PCDHA7: variants seen among roughly 807,000 people sequenced by gnomAD.
PCDHA7 encodes the protein protocadherin alpha-7.
Under a neutral mutation model 57.2 loss-of-function variants are expected in PCDHA7, and 37 were observed. The ratio of observed to expected loss-of-function variants is 0.65; its 90% CI spans 0.50 to 0.85. The LOEUF (loss-of-function observed/expected upper bound fraction) is 0.85, where lower values mean the gene tolerates loss of function less well. Ranked by LOEUF, PCDHA7 falls within the 40% of genes least tolerant of loss-of-function variation. The pLI is 0.00. For missense variants in PCDHA7, 1,188 were observed against 1,241.8 expected, an observed-to-expected ratio of 0.96 and a Z score of 0.65; for synonymous variants, 553 against 558.8, an observed-to-expected ratio of 0.99 and a Z score of 0.15.
chr5:140,868,981 G>T, intron 1 of PCDHA7: 1 of 1,492,270 alleles, frequency 6.7e-7, no homozygotes, highest in Non-Finnish European at 9.0e-7. Context: ...CATCATACCG[G>T]ATGCCACCGT....
At chr5:140,887,976 TA>T (rs1462545504) in intron 1 of PCDHA7, among the ~76,000 whole-genome samples, 1 of 152,256 alleles carries the variant, frequency 6.6e-6, no homozygotes, top group African/African-American at 2.4e-5. Context: ...TTTTAAAATT[TA>T]TTTTACATGT....
chr5:140,946,516 C>G (rs551838143), intron 1 of PCDHA7, among the ~76,000 whole-genome samples: 1 of 151,020 alleles, frequency 6.6e-6, no homozygotes, highest in Non-Finnish European at 1.5e-5. Context: ...AAGACCTATC[C>G]GCACTCCCAT....
intron 3 of PCDHA7, among the ~76,000 whole-genome samples, chr5:140,986,867 C>A (rs1238623584): frequency 6.6e-6 from 1 of 152,140 alleles, no homozygotes; most frequent in Non-Finnish European, 1.5e-5. Flanking sequence ...TACCCGGAAA[C>A]TTGTTAGAAA....
At position 140,941,221 on chromosome 5, in the gene PCDHA7, T is replaced by TTC. The variant is rs1217645089; in HGVS notation, c.2356-37726_2356-37725dup. Among the ~76,000 whole-genome samples the TTC allele has an allele frequency of 5.2e-4, 68 of 131,640 alleles. 1 individual carries two copies. Among genetic ancestry groups the TTC allele is most frequent in the African/African-American group, 2.0e-3 (67 of 33,088 alleles). 86.4% of individuals were successfully genotyped at this position (131,640 alleles called of 152,430 possible). A position where few individuals can be genotyped will look rare whatever the true frequency, so the allele number is the denominator to read the frequency against. Reference sequence around the variant, plus strand: ...TTTCTTCCTTTCTTTCTTCCTTTCTTTCTTTCTTTCTTTCTTTCTTTCTTT... The same window carrying TTC: ...TTTCTTCCTTTCTTTCTTCCTTTCTTTCTCTTTCTTTCTTTCTTTCTTTCTTT... On this transcript the variant is annotated intron_variant, in intron 1 of 3. Transcript: ENST00000525929.
rs369408845 is a variant in PCDHA7, at chr5:140,898,113, C to T, written c.2355+61375C>T. On this transcript the variant is annotated intron_variant, in intron 1 of 3. Coordinates refer to ENST00000525929, the MANE Select transcript of PCDHA7 (RefSeq NM_018910.3). ...AGCCCTTTGTCAGATGAGTAGGTTG[C>T]GAAAATTTTCTCCCATTTTGTAGGT... Among the ~76,000 whole-genome samples, 401 of 152,070 alleles carry T rather than the reference C, an allele frequency of 2.6e-3. 3 individuals carry two copies. Among genetic ancestry groups the T allele is most frequent in the Admixed American group, 0.01 (153 of 15,274 alleles).
In PCDHA7 at chr5:140,870,834, C is replaced by T. The variant is rs370941881; in HGVS notation, c.2355+34096C>T. ...CTGGCAGCGCGGGAGGCGCAGTTAA[C>T]AAGCTAGTACCGCGGTCGGTGGGTG... On this transcript the variant is annotated intron_variant, in intron 1 of 3. Transcript: ENST00000525929. 184 of 1,613,806 alleles carry T rather than the reference C, an allele frequency of 1.1e-4. 2 individuals are homozygous for T. In the South Asian group the frequency reaches 1.5e-3, roughly 13 times the overall value.
rs146952531 is a variant in PCDHA7 at position 140,951,754 on chromosome 5, G to A, written c.2356-27195G>A. Among the ~76,000 whole-genome samples the A allele has an allele frequency of 4.6e-3, 703 of 152,152 alleles. 3 individuals are homozygous for A. The highest frequency in any genetic ancestry group is 0.016 in the African/African-American group (681 of 41,502). ...TTCTGCCACTGCCCTCACCCTCCGC[G>A]AAATCTCATGACGTTCTTACATTGC... On this transcript the variant is annotated intron_variant, in intron 1 of 3. Transcript: ENST00000525929.
In PCDHA7 at chr5:140,911,678, G is replaced by A. The variant is rs551063911; in HGVS notation, c.2356-67271G>A. ...CTAAACTCCTTGCCTCTCACGAACCGTGCATCAGGAGTGTCAAATGAATTT... is the reference window on the plus strand; with the variant it reads ...CTAAACTCCTTGCCTCTCACGAACCATGCATCAGGAGTGTCAAATGAATTT... On this transcript the variant is annotated intron_variant, in intron 1 of 3. Coordinates refer to ENST00000525929, the MANE Select transcript of PCDHA7 (RefSeq NM_018910.3). Among the ~76,000 whole-genome samples the A allele has an allele frequency of 7.9e-5, 12 of 152,234 alleles. No homozygotes were observed. The South Asian group carries it at 1.2e-3, about 16-fold the overall frequency.
chr5:140,837,239 ATTTATCTTCTT>A (rs1411047562), intron 1 of PCDHA7: 4 of 152,014 alleles, frequency 2.6e-5, no homozygotes, highest in Non-Finnish European at 1.5e-5. Context: ...TTTTACATCT[ATTTATCTTCTT>A]TTTATCATAT....
rs144568392 is a variant in PCDHA7 at position 140,837,758 on chromosome 5, C to T, written c.2355+1020C>T. Among the ~76,000 whole-genome samples the T allele has an allele frequency of 1.3e-4, 19 of 151,820 alleles. No homozygotes were observed. The South Asian group carries it at 1.5e-3, about 12-fold the overall frequency. On this transcript the variant is annotated intron_variant, in intron 1 of 3. Transcript: ENST00000525929. ...GTGGTGGGATTATAGCCCACTGCAA[C>T]CTGAAAGTCCTGGGCTCACAGGATC...
Position 140,843,486 on chromosome 5 carries a change from G to A in PCDHA7, c.2355+6748G>A. The A allele has an allele frequency of 2.5e-6, 4 of 1,595,976 alleles. 1 individual carries two copies. The highest frequency in any genetic ancestry group is 1.7e-5 in the Admixed American group (1 of 59,314). ...ACGCTGCTGCTGTACACTGCGCTGC[G>A]GTGCTCAGCACTGCCCACTGAGGGC... On this transcript the variant is annotated intron_variant, in intron 1 of 3. Transcript: ENST00000525929.
chr5:140,917,396 G>C (rs928504202), intron 1 of PCDHA7, among the ~76,000 whole-genome samples: 2 of 151,286 alleles, frequency 1.3e-5, no homozygotes, highest in East Asian at 3.9e-4. Flanking sequence ...ATGTGCAGAA[G>C]CTCTTTAGTT....
intron 1 of PCDHA7, among the ~76,000 whole-genome samples, chr5:140,957,864 A>G (rs1554223166): frequency 6.6e-6 from 1 of 151,762 alleles, no homozygotes; most frequent in Admixed American, 6.6e-5. Flanking sequence ...TTTTTTTCCT[A>G]TTTTGTGCTG....
intron 1 of PCDHA7, chr5:140,869,878 ACT>A: frequency 6.2e-7 from 1 of 1,610,122 alleles, no homozygotes; most frequent in Non-Finnish European, 8.5e-7. Context: ...TGCTAAAGAA[ACT>A]CTTGTGCTCA....
intron 3 of PCDHA7, among the ~76,000 whole-genome samples, chr5:140,991,204 A>C (rs1416431011): frequency 6.6e-6 from 1 of 152,198 alleles, no homozygotes; most frequent in East Asian, 1.9e-4. Flanking sequence ...ATGCTCAATA[A>C]ATTTTGTTAA....
At chr5:140,871,123 G>A (rs782312325) in intron 1 of PCDHA7, 51 of 1,613,216 alleles carry the variant, frequency 3.2e-5, no homozygotes, top group African/African-American at 1.3e-5. Context: ...GAGCGGACAG[G>A]CGCCAAAGGC....
chr5:140,835,766 G>C lies in PCDHA7; in HGVS notation c.1383G>C (p.Thr461=). ...CGGCGTTCGCGCAGCCCGAGTATAC[G>C]GTGTTCGTGAAGGAGAACAACCCGC... The part of the protein sequence containing the change: ...NAPAFAQPEY[T]VFVKENNPPG... The change falls in exon 1 of 4, where the codon ACG becomes ACC. Residue 461 remains threonine (T), a synonymous_variant. Coordinates refer to ENST00000525929, the MANE Select transcript of PCDHA7 (RefSeq NM_018910.3). 6.2e-7 allele frequency: 1 copy of C among 1,613,388 alleles called. No individual in the cohort carries two copies.
In PCDHA7 at chr5:140,857,092, G is replaced by A; in HGVS notation, c.2355+20354G>A. On this transcript the variant is annotated intron_variant, in intron 1 of 3. Coordinates refer to ENST00000525929, the MANE Select transcript of PCDHA7 (RefSeq NM_018910.3). ...TGGATGAAAATGATAATTCACCTGA[G>A]GTGATTGTCACTTCTCTGTCTCTCC... 5 of 1,597,300 alleles carry A rather than the reference G, an allele frequency of 3.1e-6. 1 individual carries two copies. Among genetic ancestry groups the A allele is most frequent in the Non-Finnish European group, 4.3e-6 (5 of 1,166,936 alleles).
At chr5:140,925,526 CGAG>C (rs2082539432) in intron 1 of PCDHA7, among the ~76,000 whole-genome samples, 1 of 151,910 alleles carries the variant, frequency 6.6e-6, no homozygotes, top group South Asian at 2.1e-4. Flanking sequence ...AAATTAAAAG[CGAG>C]GAGAAATACC....
Sources: gnomAD v4.1 joint callset for allele counts (sites outside exome capture counted in the v4.1 genomes callset) on GRCh38, gnomAD v4.1.1 for gene constraint, MANE v1.5 for transcripts, NCBI Gene and HGNC (gene_info 2026-07-23, HGNC 2026-07-21) for gene names.